KIF5C: variants seen among roughly 807,000 people sequenced by gnomAD.
KIF5C encodes the protein kinesin family member 5C.
In KIF5C, 18 loss-of-function variants were observed where a neutral mutation model predicts 125.2. That is an observed-to-expected ratio of 0.14 (90% CI 0.10 to 0.21). The LOEUF (loss-of-function observed/expected upper bound fraction) is 0.21, where lower values mean the gene tolerates loss of function less well. Ranked by LOEUF, KIF5C falls within the 10% of genes least tolerant of loss-of-function variation. The pLI is 1.00. For synonymous variants in KIF5C, 405 were observed against 434.0 expected, an observed-to-expected ratio of 0.93 and a Z score of 0.83; for missense variants, 780 against 1,183.8, an observed-to-expected ratio of 0.66 and a Z score of 5.01.
At position 148,876,575 on chromosome 2, in the gene KIF5C, A is replaced by AC. The variant is rs1681199005; in HGVS notation, c.126+838dup. On this transcript the variant is annotated intron_variant, in intron 1 of 25. Transcript: ENST00000435030. The surrounding 1 kb of genome is among the most constrained non-coding windows in gnomAD (Gnocchi z 4.7). ...GCAGAAGTTACTTCGTGCGGCTCGG[A>AC]CCCCCCTCCCTCTCTATCTCCCTTC... Among the ~76,000 whole-genome samples, 1 of 150,576 alleles carries AC rather than the reference A, an allele frequency of 6.6e-6. No individual in the cohort carries two copies. The highest frequency in any genetic ancestry group is 2.5e-5 in the African/African-American group (1 of 40,816).
intron 10 of KIF5C, among the ~76,000 whole-genome samples, chr2:148,960,846 G>A (rs193068952): frequency 4.6e-5 from 7 of 152,330 alleles, no homozygotes; most frequent in Non-Finnish European, 7.3e-5. Context: ...AAAGTCAATA[G>A]CAAATAAAAC....
chr2:149,004,256 C>T (rs190607547), intron 21 of KIF5C, among the ~76,000 whole-genome samples: 99 of 152,278 alleles, frequency 6.5e-4, no homozygotes, highest in African/African-American at 2.2e-3. Context: ...TTAGTGTTTC[C>T]GTAGCTTTAT....
At chr2:148,927,485 G>GGTGT (rs368235008) in intron 2 of KIF5C, among the ~76,000 whole-genome samples, 12,501 of 149,640 alleles carry the variant, frequency 0.084, 579 homozygotes, top group Middle Eastern at 0.17. Context: ...GCCCTTTCAG[G>GGTGT]GTGTGTGTGT....
At chr2:148,966,384 T>A (rs553243086) in intron 11 of KIF5C, among the ~76,000 whole-genome samples, 1 of 151,982 alleles carries the variant, frequency 6.6e-6, no homozygotes, top group African/African-American at 2.4e-5. Context: ...ATGCTTGTGC[T>A]TTTTCCTACT....
At chr2:148,999,693 G>A (rs1461582571) in intron 19 of KIF5C, among the ~76,000 whole-genome samples, 7 of 152,364 alleles carry the variant, frequency 4.6e-5, no homozygotes, top group East Asian at 1.9e-4. Context: ...GAAGGAAGAG[G>A]GAGAAAGAGG....
intron 11 of KIF5C, among the ~76,000 whole-genome samples, chr2:148,964,988 C>T (rs1365611080): frequency 1.3e-5 from 2 of 151,916 alleles, no homozygotes; most frequent in East Asian, 3.9e-4. Flanking sequence ...ATGGATGAAC[C>T]TGAGAGATAT....
chr2:148,998,641 G>A, intron 19 of KIF5C, 132 bp downstream of exon 19: 2 of 1,392,914 alleles, frequency 1.4e-6, no homozygotes, highest in Non-Finnish European at 1.9e-6. Context: ...TGGTGACACA[G>A]CAGGCTGGGC....
intron 4 of KIF5C, among the ~76,000 whole-genome samples, chr2:148,938,617 G>A (rs568854011): frequency 5.1e-4 from 78 of 152,226 alleles, no homozygotes; most frequent in Admixed American, 2.6e-3. Flanking sequence ...CCCCTTGCCC[G>A]ATGAGCTGTG....
chr2:148,904,358 C>T (rs1558881990), intron 1 of KIF5C, among the ~76,000 whole-genome samples: 2 of 152,166 alleles, frequency 1.3e-5, no homozygotes, highest in Non-Finnish European at 2.9e-5. Flanking sequence ...TTGGCAAGTT[C>T]CTTAACTTCT....
chr2:148,973,374 G>T lies in KIF5C; in HGVS notation c.1156G>T (p.Asp386Tyr). ...TGAGGATGAACAGATCAGTGCCAAG[G>T]ACCAGAAGAACCTGGAGCCTTGTGA... Reference protein sequence around the residue: ...VPEDEQISAKDQKNLEPCDNT... With the variant: ...VPEDEQISAKYQKNLEPCDNT... The change falls in exon 12 of 26, where the codon GAC becomes TAC. Residue 386 changes from aspartate (D) to tyrosine (Y), a missense_variant. Coordinates refer to ENST00000435030, the MANE Select transcript of KIF5C (RefSeq NM_004522.3). The T allele has an allele frequency of 6.2e-7, 1 of 1,613,660 alleles. No homozygotes were observed. Among genetic ancestry groups the T allele is most frequent in the Non-Finnish European group, 8.5e-7 (1 of 1,179,694 alleles).
chr2:148,949,797 T>C (rs376422245), intron 8 of KIF5C, 42 bp from the exon 9 acceptor site: 63 of 1,597,556 alleles, frequency 3.9e-5, no homozygotes, highest in Non-Finnish European at 5.3e-5. Flanking sequence ...TTTGTGCTTC[T>C]GCCGTCCTGT....
intron 11 of KIF5C, among the ~76,000 whole-genome samples, chr2:148,972,071 A>T (rs1466328095): frequency 6.6e-6 from 1 of 152,060 alleles, no homozygotes; most frequent in Non-Finnish European, 1.5e-5. Flanking sequence ...AATAGCTGGG[A>T]TTACAGGTGT....
intron 21 of KIF5C, among the ~76,000 whole-genome samples, chr2:149,001,456 G>C (rs1574828596): frequency 1.3e-5 from 2 of 152,164 alleles, no homozygotes; most frequent in Admixed American, 6.5e-5. Context: ...GGAAGGACAG[G>C]GATATAAGGT....
intron 1 of KIF5C, among the ~76,000 whole-genome samples, chr2:148,889,172 C>T (rs574175146): frequency 3.3e-5 from 5 of 152,222 alleles, no homozygotes; most frequent in Non-Finnish European, 7.3e-5. Context: ...CTGATTCCTA[C>T]AACCATCAGG....
In KIF5C at chr2:148,881,349, G is replaced by A. The variant is rs182037633; in HGVS notation, c.126+5606G>A. Reference sequence around the variant, plus strand: ...CATATTTCATTTAGCTCTAGACTACGTTAGCTGTTCCTTTGTGATCATGCA... The same window carrying A: ...CATATTTCATTTAGCTCTAGACTACATTAGCTGTTCCTTTGTGATCATGCA... On this transcript the variant is annotated intron_variant, in intron 1 of 25. Transcript: ENST00000435030. 3.9e-5 allele frequency among the ~76,000 whole-genome samples: 6 copies of A among 152,090 alleles called. No individual in the cohort carries two copies. In the South Asian group the frequency reaches 6.2e-4, roughly 16 times the overall value.
In KIF5C at chr2:148,932,713, G is replaced by A. The variant is rs1302164661; in HGVS notation, c.291+3359G>A. 7.2e-5 allele frequency among the ~76,000 whole-genome samples: 11 copies of A among 152,290 alleles called. No individual in the cohort carries two copies. The East Asian group carries it at 2.1e-3, about 30-fold the overall frequency. On this transcript the variant is annotated intron_variant, in intron 3 of 25. Transcript: ENST00000435030. Reference sequence around the variant, plus strand: ...GTTTTTTCTTTCTGCCCCAAGAGACGCTTGGAGGTCATCTGAATGGTACAG... The same window carrying A: ...GTTTTTTCTTTCTGCCCCAAGAGACACTTGGAGGTCATCTGAATGGTACAG...
At chr2:148,900,278 G>A (rs190990426) in intron 1 of KIF5C, among the ~76,000 whole-genome samples, 1 of 152,120 alleles carries the variant, frequency 6.6e-6, no homozygotes, top group Admixed American at 6.5e-5. Flanking sequence ...TATCATTGTG[G>A]ACACTCTTTT....
rs552959017 is a variant in KIF5C at position 148,887,943 on chromosome 2, C to T, written c.126+12200C>T. On this transcript the variant is annotated intron_variant, in intron 1 of 25. Transcript: ENST00000435030. ...TGTGTGCTGGAGGCTGGACCCTCCC[C>T]GCCCCTATCACTACCCCTTACCCCC... Among the ~76,000 whole-genome samples the T allele has an allele frequency of 2.1e-3, 322 of 152,358 alleles. 2 individuals carry two copies. The highest frequency in any genetic ancestry group is 7.5e-3 in the African/African-American group (313 of 41,592).
In KIF5C at chr2:149,014,983, T is replaced by C. The variant is rs148893067; in HGVS notation, c.*7+3300T>C. On this transcript the variant is annotated intron_variant, in intron 25 of 25. Transcript: ENST00000435030. Reference sequence around the variant, plus strand: ...TGGGCAGATCACTTTAGGTCAGGAGTTCAAGACCAGCCTGGCCAACATGGT... The same window carrying C: ...TGGGCAGATCACTTTAGGTCAGGAGCTCAAGACCAGCCTGGCCAACATGGT... Among the ~76,000 whole-genome samples, 1,067 of 151,534 alleles carry C rather than the reference T, an allele frequency of 7.0e-3. 18 individuals are homozygous for C. Among genetic ancestry groups the C allele is most frequent in the African/African-American group, 0.025 (1,029 of 41,278 alleles).
Sources: gnomAD v4.1 joint callset for allele counts (sites outside exome capture counted in the v4.1 genomes callset) on GRCh38, gnomAD v4.1.1 for gene constraint, Gnocchi (gnomAD v3.1) non-coding constraint, MANE v1.5 for transcripts, NCBI Gene and HGNC (gene_info 2026-07-23, HGNC 2026-07-21) for gene names.